The following PAPOLA variants were observed in gnomAD, a reference collection of about 807,000 sequenced individuals.
The protein encoded by PAPOLA is polynucleotide adenylyltransferase alpha.
PAPOLA carries 15 observed loss-of-function variants against 100.6 expected under a neutral mutation model. The observed-to-expected ratio is 0.15, with a 90% CI of 0.10 to 0.23. PAPOLA has a LOEUF of 0.23. PAPOLA is among the 10% of genes least tolerant of loss of function. The pLI is 1.00. For synonymous variants in PAPOLA, 293 were observed against 300.0 expected, an observed-to-expected ratio of 0.98 and a Z score of 0.24; for missense variants, 533 against 884.2, an observed-to-expected ratio of 0.60 and a Z score of 5.04.
rs1191895587 is a variant in PAPOLA at position 96,536,471 on chromosome 14, C to G, written c.1030+472C>G. On this transcript the variant is annotated intron_variant, in intron 11 of 21. Transcript: ENST00000216277. ...ACCAAATAGTCTTTGAGAGAAATAACTGGAACAGATTGGTTTGACTGAAAA... is the reference window on the plus strand; with the variant it reads ...ACCAAATAGTCTTTGAGAGAAATAAGTGGAACAGATTGGTTTGACTGAAAA... Among the ~76,000 whole-genome samples the G allele has an allele frequency of 2.0e-5, 3 of 152,144 alleles. No homozygotes were observed. In the East Asian group the frequency reaches 5.8e-4, roughly 29 times the overall value.
chr14:96,541,608 G>A (rs1899997052), intron 12 of PAPOLA, among the ~76,000 whole-genome samples: 1 of 151,970 alleles, frequency 6.6e-6, no homozygotes, highest in African/African-American at 2.4e-5. Flanking sequence ...CTTGGCTTTT[G>A]TCTAATATGA....
At chr14:96,520,697 A>G (rs920447197) in intron 2 of PAPOLA, among the ~76,000 whole-genome samples, 2 of 151,868 alleles carry the variant, frequency 1.3e-5, no homozygotes, top group Admixed American at 1.3e-4. Context: ...CTCTTCCCTT[A>G]ATTTTGATGT....
intron 16 of PAPOLA, among the ~76,000 whole-genome samples, chr14:96,549,859 TAA>T (rs1900695846): frequency 2.0e-5 from 3 of 152,186 alleles, no homozygotes. Flanking sequence ...ACAGAAAATA[TAA>T]ACATTTTGGA....
intron 14 of PAPOLA, 53 bp from the exon 15 acceptor site, chr14:96,544,096 T>C (rs1370442821): frequency 3.2e-6 from 3 of 932,208 alleles, no homozygotes; most frequent in East Asian, 4.8e-5. Context: ...GCCACACTGA[T>C]AGCTACATTT....
chr14:96,543,588 GTT>G (rs140731638), intron 14 of PAPOLA, among the ~76,000 whole-genome samples: 1 of 151,660 alleles, frequency 6.6e-6, no homozygotes, highest in Non-Finnish European at 1.5e-5. Context: ...TTATATAAGA[GTT>G]TTTTTACATT....
At chr14:96,547,068 A>G (rs756983884) in intron 15 of PAPOLA, among the ~76,000 whole-genome samples, 24 of 152,014 alleles carry the variant, frequency 1.6e-4, no homozygotes, top group Non-Finnish European at 2.6e-4. Flanking sequence ...GACACGGACT[A>G]TAGTTTATGT....
intron 3 of PAPOLA, among the ~76,000 whole-genome samples, chr14:96,522,108 CTTTCTTTCTTTTTTTTTTTTT>C (rs969703424): frequency 6.1e-5 from 6 of 98,342 alleles, no homozygotes; most frequent in African/African-American, 1.8e-4. Flanking sequence ...TAGCCTCTTT[CTTTCTTTCTTTTTTTTTTTTT>C]TTTTTTTTTT....
intron 1 of PAPOLA, among the ~76,000 whole-genome samples, chr14:96,507,280 G>GTTTTTTGTTTTTTTT (rs1413020909): frequency 7.4e-5 from 6 of 80,722 alleles, no homozygotes; most frequent in African/African-American, 3.4e-4. Flanking sequence ...TTGGAAAATA[G>GTTTTTTGTTTTTTTT]TTTTTTTTTT....
At chr14:96,512,011 A>C (rs888149538) in intron 1 of PAPOLA, among the ~76,000 whole-genome samples, 1 of 152,172 alleles carries the variant, frequency 6.6e-6, no homozygotes, top group Non-Finnish European at 1.5e-5. Flanking sequence ...TATTGTTTTA[A>C]TTTGAAGATT....
At chr14:96,529,436 C>G (rs1228939251) in intron 6 of PAPOLA, among the ~76,000 whole-genome samples, 1 of 151,284 alleles carries the variant, frequency 6.6e-6, no homozygotes, top group East Asian at 1.9e-4. Context: ...AAAAAGTGAT[C>G]TAGTAGCCAG....
chr14:96,559,321 C>T (rs543743173), intron 19 of PAPOLA, among the ~76,000 whole-genome samples: 112 of 151,916 alleles, frequency 7.4e-4, no homozygotes, highest in African/African-American at 2.5e-3. Context: ...CTTTTATTCT[C>T]TGCTAATGAG....
At chr14:96,525,180 ACTTTGAATACC>A in intron 3 of PAPOLA, 119 bp from the exon 4 acceptor site, 1 of 580,394 alleles carries the variant, frequency 1.7e-6, no homozygotes, top group South Asian at 2.2e-5. Context: ...ACTTTTATAG[ACTTTGAATACC>A]CTTTATATAA....
At position 96,523,904 on chromosome 14, in the gene PAPOLA, G is replaced by A. The variant is rs148777970; in HGVS notation, c.250-1406G>A. ...GTTGCAGTAAGCCGAGATTGCGCCC[G>A]TTGCACTGCAGCCTGGGTGACAGAG... On this transcript the variant is annotated intron_variant, in intron 3 of 21. Coordinates refer to ENST00000216277, the MANE Select transcript of PAPOLA (RefSeq NM_032632.5). 5.1e-4 allele frequency among the ~76,000 whole-genome samples: 76 copies of A among 150,446 alleles called. No homozygotes were observed. In the East Asian group the frequency reaches 0.014, roughly 28 times the overall value.
intron 1 of PAPOLA, among the ~76,000 whole-genome samples, chr14:96,510,531 AG>A (rs995019755): frequency 3.9e-5 from 6 of 151,908 alleles, no homozygotes; most frequent in African/African-American, 1.5e-4. Flanking sequence ...TTTGGAAGTG[AG>A]GAAAAATAAC....
chr14:96,537,163 A>G, intron 12 of PAPOLA, 103 bp downstream of exon 12: 2 of 722,888 alleles, frequency 2.8e-6, no homozygotes, highest in Non-Finnish European at 4.9e-6. Flanking sequence ...TATTGGAAGA[A>G]TTTTCTTTCC....
At chr14:96,532,732 T>C in intron 9 of PAPOLA, 83 bp downstream of exon 9, 1 of 1,449,942 alleles carries the variant, frequency 6.9e-7, no homozygotes. Context: ...CTCAGCTTGG[T>C]TTCAGATTCA....
intron 7 of PAPOLA, chr14:96,531,973 T>C: frequency 8.0e-7 from 1 of 1,251,478 alleles, no homozygotes; most frequent in Non-Finnish European, 1.0e-6. Flanking sequence ...GCATAGCTTG[T>C]TACTGTGCTC....
At chr14:96,533,375 T>C in intron 9 of PAPOLA, 1 of 982,050 alleles carries the variant, frequency 1.0e-6, no homozygotes, top group Non-Finnish European at 1.2e-6. Context: ...TGTTCTTTTC[T>C]AGTAATTTTA....
In PAPOLA at chr14:96,565,231, A is replaced by G; in HGVS notation, c.*181A>G. 1.9e-6 allele frequency: 1 copy of G among 521,744 alleles called. No homozygotes were observed. Among genetic ancestry groups the G allele is most frequent in the Non-Finnish European group, 3.5e-6 (1 of 288,256 alleles). The allele number at this position is 521,744 out of a possible 1,614,324, so 32.3% of individuals were successfully genotyped here. On this transcript the variant is annotated 3_prime_UTR_variant, in exon 22 of 22. Transcript: ENST00000216277. The stretch of plus-strand genomic sequence containing the variant: ...GAAGTCCAGGTTAGTATGTGAAGCC[A>G]GGAGTACTATTATTATTGTGTTAGC...
Sources: gnomAD v4.1 joint callset for allele counts (sites outside exome capture counted in the v4.1 genomes callset) on GRCh38, gnomAD v4.1.1 for gene constraint, MANE v1.5 for transcripts, NCBI Gene and HGNC (gene_info 2026-07-23, HGNC 2026-07-21) for gene names.